GTF2H2C: variants seen among roughly 807,000 people sequenced by gnomAD.
The protein encoded by GTF2H2C is general transcription factor IIH subunit 2-like protein.
In GTF2H2C, 5 loss-of-function variants were observed where a neutral mutation model predicts 24.8. That is an observed-to-expected ratio of 0.20 (90% CI 0.11 to 0.42). GTF2H2C has a LOEUF of 0.42. Among genes scored for constraint, GTF2H2C ranks in the 20% least tolerant of loss-of-function variants. The pLI is 1.00. For synonymous variants in GTF2H2C, 14 were observed against 52.6 expected, an observed-to-expected ratio of 0.27 and a Z score of 3.18; for missense variants, 45 against 169.8, an observed-to-expected ratio of 0.27 and a Z score of 4.08.
chr5:69,563,721 G>A (rs1770554127), intron 2 of GTF2H2C, among the ~76,000 whole-genome samples: 1 of 151,942 alleles, frequency 6.6e-6, no homozygotes, highest in African/African-American at 2.4e-5. Flanking sequence ...TCCAATGTCT[G>A]TTGTTCTCAT....
intron 2 of GTF2H2C, among the ~76,000 whole-genome samples, chr5:69,563,599 T>A (rs1348220316): frequency 6.6e-6 from 1 of 152,022 alleles, no homozygotes; most frequent in Non-Finnish European, 1.5e-5. Flanking sequence ...GATAAATTGC[T>A]TGTTGTTGAG....
rs747254203 is a variant in GTF2H2C at position 69,566,208 on chromosome 5, G to T, written c.134G>T (p.Arg45Ile). 1.2e-6 allele frequency: 2 copies of T among 1,609,548 alleles called. No homozygotes were observed. The highest frequency in any genetic ancestry group is 1.1e-5 in the South Asian group (1 of 90,532). The change falls in exon 4 of 17, where the codon AGA (arginine) becomes ATA (isoleucine). Residue 45 changes from arginine (R) to isoleucine (I), a missense_variant and splice_region_variant. Coordinates refer to ENST00000380729, the MANE Select transcript of GTF2H2C (RefSeq NM_001376000.2). ...EDILFKAKRKRVFEHHGQVRL... is the reference protein window; with the variant it reads ...EDILFKAKRKIVFEHHGQVRL... ...ATTCTATTCAAGGCAAAGAGAAAAA[G>T]GTATGTAACCTTCCTACGTATCTTA...
chr5:69,582,718 A>AT (rs1292876542), intron 13 of GTF2H2C, among the ~76,000 whole-genome samples: 6 of 23,858 alleles, frequency 2.5e-4, no homozygotes, highest in South Asian at 2.2e-3. Flanking sequence ...GGAGGGGGAA[A>AT]TTTTTTTTTT....
intron 4 of GTF2H2C, 165 bp downstream of exon 4, chr5:69,566,373 G>A (rs1770759477): frequency 1.0e-6 from 1 of 959,974 alleles, no homozygotes; most frequent in Non-Finnish European, 1.5e-6. Context: ...TGCCCCAGCA[G>A]GAAATGGTCT....
intron 8 of GTF2H2C, among the ~76,000 whole-genome samples, chr5:69,571,355 TA>T (rs1275505530): frequency 6.0e-3 from 226 of 37,880 alleles, no homozygotes; most frequent in South Asian, 0.011. Flanking sequence ...ATAAATAATA[TA>T]AAAAAATATT....
At chr5:69,560,967 A>G (rs1361989344) in intron 1 of GTF2H2C, among the ~76,000 whole-genome samples, 1 of 151,990 alleles carries the variant, frequency 6.6e-6, no homozygotes, top group East Asian at 1.9e-4. Context: ...CATGTTGGCT[A>G]GGATGGTCTT....
chr5:69,568,901 G>C (rs935803443), intron 8 of GTF2H2C: 10 of 116,348 alleles, frequency 8.6e-5, no homozygotes, highest in African/African-American at 3.3e-4. Context: ...AAGGGAAAAA[G>C]TATAAAAATT....
Position 69,565,196 on chromosome 5 carries a change from G to A in GTF2H2C, c.56+8G>A. 3.0e-6 allele frequency: 2 copies of A among 669,162 alleles called. No individual in the cohort carries two copies. Among genetic ancestry groups the A allele is most frequent in the Non-Finnish European group, 4.9e-6 (2 of 407,636 alleles). The allele number at this position is 669,162 out of a possible 1,614,324, so 41.5% of individuals were successfully genotyped here. On this transcript the variant is annotated splice_region_variant and intron_variant, in intron 3 of 16. Coordinates refer to ENST00000380729, the MANE Select transcript of GTF2H2C (RefSeq NM_001376000.2). The stretch of plus-strand genomic sequence containing the variant: ...AGGCTATGAAAGAACATGGTAAGGA[G>A]AGCTTTATTGCCCTGTCTTTTCTTT...
At chr5:69,573,048 A>C (rs1771147304) in intron 9 of GTF2H2C, among the ~76,000 whole-genome samples, 1 of 140,856 alleles carries the variant, frequency 7.1e-6, no homozygotes. Context: ...TAAGCTTTAT[A>C]TACATATTAT....
rs779761105 is a variant in GTF2H2C, at chr5:69,573,145, TACAC to T, written c.470+630_470+633del. ...TTAAAGCTTATATATCTATTATATA[TACAC>T]ACACACACACACACACACACACACA... On this transcript the variant is annotated intron_variant, in intron 9 of 16. Transcript: ENST00000380729. Among the ~76,000 whole-genome samples, 408 of 117,434 alleles carry T rather than the reference TACAC, an allele frequency of 3.5e-3. 6 individuals carry two copies. The highest frequency in any genetic ancestry group is 0.01 in the African/African-American group (330 of 32,250). 77.0% of individuals were successfully genotyped at this position (117,434 alleles called of 152,430 possible). A position where few individuals can be genotyped will look rare whatever the true frequency, so the allele number is the denominator to read the frequency against.
chr5:69,564,732 CAG>C (rs1169937631), intron 2 of GTF2H2C, among the ~76,000 whole-genome samples: 2 of 146,550 alleles, frequency 1.4e-5, no homozygotes, highest in African/African-American at 2.5e-5. Flanking sequence ...GAGACATACA[CAG>C]AGAGATAGTA....
chr5:69,564,831 C>G (rs1342365618), intron 2 of GTF2H2C, among the ~76,000 whole-genome samples: 1 of 151,690 alleles, frequency 6.6e-6, no homozygotes, highest in Non-Finnish European at 1.5e-5. Flanking sequence ...TGTGACACAT[C>G]TATAAAGCAT....
chr5:69,561,971 G>A (rs940251210), intron 1 of GTF2H2C, among the ~76,000 whole-genome samples: 10 of 152,128 alleles, frequency 6.6e-5, no homozygotes, highest in African/African-American at 2.4e-4. Context: ...AACGTTATGC[G>A]AGTTTTTCAT....
intron 5 of GTF2H2C, 108 bp downstream of exon 5, chr5:69,566,733 A>G (rs1770793103): frequency 3.8e-6 from 2 of 523,410 alleles, no homozygotes; most frequent in Non-Finnish European, 6.0e-6. Context: ...TTAAAAGAAT[A>G]TGTTAAAAAT....
rs1310383446 is a variant in GTF2H2C at position 69,573,035 on chromosome 5, A to G, written c.470+485A>G. 1.2e-4 allele frequency among the ~76,000 whole-genome samples: 16 copies of G among 137,606 alleles called. No individual in the cohort carries two copies. In the East Asian group the frequency reaches 3.3e-3, roughly 28 times the overall value. The allele number at this position is 137,606 out of a possible 152,430, so 90.3% of individuals were successfully genotyped here. On this transcript the variant is annotated intron_variant, in intron 9 of 16. Transcript: ENST00000380729. ...TGGTATAGTTAAAGCTTATATATAT[A>G]TATAAGCTTTATATACATATTATAT...
chr5:69,563,140 C>T (rs1580613868), intron 2 of GTF2H2C, among the ~76,000 whole-genome samples: 1 of 151,070 alleles, frequency 6.6e-6, no homozygotes, highest in East Asian at 1.9e-4. Context: ...CTCCTGACCT[C>T]AAGTGATCAC....
At chr5:69,573,375 G>T (rs1478014846) in intron 9 of GTF2H2C, among the ~76,000 whole-genome samples, 20 of 85,604 alleles carry the variant, frequency 2.3e-4, no homozygotes. Flanking sequence ...GTACAGATGG[G>T]GTTTCATCAT....
chr5:69,565,090 G>A lies in GTF2H2C; in HGVS notation c.-33-10G>A, dbSNP rs1248818821. On this transcript the variant is annotated splice_polypyrimidine_tract_variant and intron_variant, in intron 2 of 16. Coordinates refer to ENST00000380729, the MANE Select transcript of GTF2H2C (RefSeq NM_001376000.2). ...TCTTTAGATAACTTACATTCTAATG[G>A]TTTTTACAGATTATTGAATAATAAA... is the stretch of plus-strand genomic sequence containing the variant. 1 of 584,786 alleles carries A rather than the reference G, an allele frequency of 1.7e-6. No homozygotes were observed. Among genetic ancestry groups the A allele is most frequent in the Non-Finnish European group, 3.1e-6 (1 of 320,502 alleles). The allele number at this position is 584,786 out of a possible 1,614,324, so 36.2% of individuals were successfully genotyped here. A position where few individuals can be genotyped will look rare whatever the true frequency, so the allele number is the denominator to read the frequency against.
chr5:69,565,332 G>A (rs1770687759), intron 3 of GTF2H2C, 144 bp downstream of exon 3: 1 of 298,860 alleles, frequency 3.3e-6, no homozygotes, highest in Admixed American at 6.6e-5. Flanking sequence ...ATAATTTACT[G>A]AGCTGTGCAG....
Sources: gnomAD v4.1 joint callset for allele counts (sites outside exome capture counted in the v4.1 genomes callset) on GRCh38, gnomAD v4.1.1 for gene constraint, MANE v1.5 for transcripts, NCBI Gene and HGNC (gene_info 2026-07-23, HGNC 2026-07-21) for gene names.